THSD4: variants seen among roughly 807,000 people sequenced by gnomAD.
The protein encoded by THSD4 is thrombospondin type-1 domain-containing protein 4.
A neutral mutation model predicts 119.0 loss-of-function variants in THSD4; 69 were observed. The observed-to-expected ratio is 0.58, with a 90% CI of 0.48 to 0.71. The LOEUF is 0.71. THSD4 is among the 30% of genes least tolerant of loss of function. The pLI is 0.00. For missense variants in THSD4, 1,393 were observed against 1,391.1 expected, an observed-to-expected ratio of 1.00 and a Z score of -0.02; for synonymous variants, 524 against 540.4, an observed-to-expected ratio of 0.97 and a Z score of 0.42.
At chr15:71,292,530 T>C (rs956867378) in intron 6 of THSD4, among the ~76,000 whole-genome samples, 1 of 152,194 alleles carries the variant, frequency 6.6e-6, no homozygotes, top group Non-Finnish European at 1.5e-5. Flanking sequence ...CTAAATTCTC[T>C]GTTGAATTCT....
intron 6 of THSD4, among the ~76,000 whole-genome samples, chr15:71,344,866 C>T (rs927916533): frequency 1.1e-4 from 16 of 152,058 alleles, no homozygotes; most frequent in African/African-American, 2.7e-4. Context: ...GGTGTACTCT[C>T]CATGTCTGTG....
intron 6 of THSD4, among the ~76,000 whole-genome samples, chr15:71,382,951 T>G (rs1270854026): frequency 6.6e-6 from 1 of 152,238 alleles, no homozygotes; most frequent in African/African-American, 2.4e-5. Context: ...TAACATGACT[T>G]TAAGACATTA....
intron 11 of THSD4, among the ~76,000 whole-genome samples, chr15:71,743,095 A>C (rs1466699034): frequency 3.3e-5 from 5 of 151,946 alleles, no homozygotes; most frequent in African/African-American, 4.8e-5. Context: ...GCATTTTCCC[A>C]CCTTCAGAGA....
rs1239378376 is a variant in THSD4 at position 71,748,705 on chromosome 15, G to T, written c.2415+111G>T. 6.6e-6 allele frequency: 9 copies of T among 1,373,556 alleles called. No individual in the cohort carries two copies. In the East Asian group the frequency reaches 1.5e-4, roughly 23 times the overall value. 85.1% of individuals were successfully genotyped at this position (1,373,556 alleles called of 1,614,324 possible). ...ATCCCAAGACTGATTTCTGGCTCTG[G>T]GGGGAAAAAAAAGGCCCAGAGAGGA... On this transcript the variant is annotated intron_variant, in intron 14 of 17. Coordinates refer to ENST00000261862, the MANE Select transcript of THSD4 (RefSeq NM_024817.3).
chr15:71,306,547 T>C (rs111480921), intron 6 of THSD4, among the ~76,000 whole-genome samples: 3 of 151,906 alleles, frequency 2.0e-5, no homozygotes, highest in African/African-American at 7.3e-5. Context: ...GAAAAAAGGG[T>C]TTGGAAAGGA....
At chr15:71,499,289 G>A (rs917376790) in intron 7 of THSD4, among the ~76,000 whole-genome samples, 2 of 152,100 alleles carry the variant, frequency 1.3e-5, no homozygotes, top group African/African-American at 4.8e-5. Context: ...CGGCCAAGGA[G>A]GAAGCCTCTC....
intron 7 of THSD4, among the ~76,000 whole-genome samples, chr15:71,489,282 T>G (rs1292458152): frequency 1.3e-5 from 2 of 152,208 alleles, no homozygotes; most frequent in Admixed American, 1.3e-4. Context: ...ATTTTGGTGG[T>G]GGGTGTAAAA....
intron 6 of THSD4, among the ~76,000 whole-genome samples, chr15:71,351,730 A>T (rs1038174651): frequency 2.6e-5 from 4 of 152,196 alleles, no homozygotes; most frequent in Non-Finnish European, 5.9e-5. Flanking sequence ...TGGGCTGGTG[A>T]TGGTTCTCTA....
chr15:71,221,607 G>A (rs1450333523), intron 4 of THSD4, among the ~76,000 whole-genome samples: 1 of 152,096 alleles, frequency 6.6e-6, no homozygotes, highest in Non-Finnish European at 1.5e-5. Context: ...CCATATTGTA[G>A]CATATTCCTT....
intron 14 of THSD4, among the ~76,000 whole-genome samples, chr15:71,754,737 T>C (rs908388446): frequency 7.9e-5 from 12 of 152,202 alleles, no homozygotes; most frequent in Non-Finnish European, 1.2e-4. Context: ...GATTAACAGA[T>C]AAAAAGCATA....
At chr15:71,630,458 T>G (rs765592710) in intron 7 of THSD4, among the ~76,000 whole-genome samples, 2 of 152,240 alleles carry the variant, frequency 1.3e-5, no homozygotes, top group Non-Finnish European at 2.9e-5. Flanking sequence ...TTTCTTGTCA[T>G]GCTTTCCTCA....
intron 7 of THSD4, among the ~76,000 whole-genome samples, chr15:71,531,802 C>T (rs553884201): frequency 4.9e-4 from 75 of 152,228 alleles, no homozygotes; most frequent in African/African-American, 1.6e-3. Flanking sequence ...TTAGTCTCCC[C>T]GATATTTTCC....
intron 8 of THSD4, among the ~76,000 whole-genome samples, chr15:71,684,791 G>C (rs1259280799): frequency 2.6e-5 from 4 of 151,986 alleles, no homozygotes; most frequent in African/African-American, 9.6e-5. Flanking sequence ...ATTTTTATGT[G>C]CTCTGGAAAA....
rs1467592600 is a variant in THSD4, at chr15:71,654,517, TC to T, written c.1153-6011del. Among the ~76,000 whole-genome samples, 3 of 152,318 alleles carry T rather than the reference TC, an allele frequency of 2.0e-5. No individual in the cohort carries two copies. The East Asian group carries it at 5.8e-4, about 29-fold the overall frequency. On this transcript the variant is annotated intron_variant, in intron 7 of 17. Coordinates refer to ENST00000261862, the MANE Select transcript of THSD4 (RefSeq NM_024817.3). ...TGATTTCTTATTTCCTGGCATAAAT[TC>T]CTAGAAGAAGAATTTACTGGATCAA...
chr15:71,194,318 G>A (rs746843897), intron 3 of THSD4, among the ~76,000 whole-genome samples: 3 of 152,162 alleles, frequency 2.0e-5, no homozygotes, highest in Non-Finnish European at 4.4e-5. Context: ...CACAAACCGA[G>A]GTTGCTCTTC....
At position 71,608,243 on chromosome 15, in the gene THSD4, TATATATACACACAC is replaced by T. The variant is rs1249052691; in HGVS notation, c.1153-52285_1153-52272del. 9.4e-4 allele frequency among the ~76,000 whole-genome samples: 78 copies of T among 82,778 alleles called. 1 individual carries two copies. The highest frequency in any genetic ancestry group is 2.2e-3 in the African/African-American group (62 of 27,622). 54.3% of individuals were successfully genotyped at this position (82,778 alleles called of 152,430 possible). On this transcript the variant is annotated intron_variant, in intron 7 of 17. Transcript: ENST00000261862. ...GTCTCAAAAAAAAAAAAAAAATATA[TATATATACACACAC>T]ACACACACACACACACACACACACA...
upstream of THSD4, chr15:71,111,823 G>A (rs1257337973): frequency 1.9e-6 from 1 of 523,936 alleles, no homozygotes. Flanking sequence ...GAAAACACGA[G>A]GTTTGTAAGA....
intron 7 of THSD4, among the ~76,000 whole-genome samples, chr15:71,647,910 G>A (rs2051002904): frequency 6.6e-6 from 1 of 152,168 alleles, no homozygotes; most frequent in South Asian, 2.1e-4. Flanking sequence ...GCCTCGGATT[G>A]GGAGTAAAGC....
chr15:71,685,340 A>C (rs1261299898), intron 8 of THSD4, among the ~76,000 whole-genome samples: 3 of 152,010 alleles, frequency 2.0e-5, no homozygotes, highest in Non-Finnish European at 2.9e-5. Context: ...GACCCCAGAG[A>C]GCTTTTGTTC....
Sources: allele counts gnomAD v4.1 joint callset (sites outside exome capture counted in the v4.1 genomes callset), GRCh38; gene constraint gnomAD v4.1.1; transcripts MANE v1.5; gene names NCBI Gene and HGNC (gene_info 2026-07-23, HGNC 2026-07-21).